The following DAB2IP variants were observed in gnomAD, a reference collection of about 807,000 sequenced individuals.
The protein encoded by DAB2IP is disabled homolog 2-interacting protein.
DAB2IP carries 28 observed loss-of-function variants against 107.2 expected under a neutral mutation model. That is an observed-to-expected ratio of 0.26 (90% CI 0.19 to 0.36). DAB2IP has a LOEUF of 0.36. DAB2IP is among the 10% of genes least tolerant of loss of function. The probability of loss-of-function intolerance (pLI) is 1.00; values close to 1 mark genes in which losing one functional copy is unlikely to be tolerated. For missense variants in DAB2IP, 1,400 were observed against 1,644.7 expected, an observed-to-expected ratio of 0.85 and a Z score of 2.57; for synonymous variants, 755 against 706.4, an observed-to-expected ratio of 1.07 and a Z score of -1.09.
At chr9:121,666,016 C>G (rs1211758485) in intron 1 of DAB2IP, among the ~76,000 whole-genome samples, 1 of 152,212 alleles carries the variant, frequency 6.6e-6, no homozygotes, top group Non-Finnish European at 1.5e-5. Flanking sequence ...TCTTACAGTT[C>G]TGGGGGACAG....
intron 6 of DAB2IP, among the ~76,000 whole-genome samples, chr9:121,761,256 A>G (rs1833868203): frequency 6.6e-6 from 1 of 152,228 alleles, no homozygotes; most frequent in Admixed American, 6.5e-5. Flanking sequence ...GCCACCTGCC[A>G]TTCAGGAAGC....
At chr9:121,615,635 T>C (rs1230108833) in intron 1 of DAB2IP, among the ~76,000 whole-genome samples, 3 of 151,014 alleles carry the variant, frequency 2.0e-5, no homozygotes, top group African/African-American at 7.3e-5. Flanking sequence ...TTCTTTCTTT[T>C]TTTTTTTTTT....
chr9:121,650,011 TTTTGTTTG>T (rs1051848703), upstream of DAB2IP, among the ~76,000 whole-genome samples: 1 of 152,208 alleles, frequency 6.6e-6, no homozygotes, highest in East Asian at 1.9e-4. Flanking sequence ...TGTGTGGTTT[TTTTGTTTG>T]TTTGTTTGTT....
At chr9:121,742,997 C>T (rs867059410) in intron 3 of DAB2IP, 3 of 985,246 alleles carry the variant, frequency 3.0e-6, no homozygotes, top group African/African-American at 1.7e-5. Flanking sequence ...CAGTTGGGGC[C>T]TGTGGTCCAG....
intron 3 of DAB2IP, among the ~76,000 whole-genome samples, chr9:121,712,255 A>G (rs1035284834): frequency 6.6e-6 from 1 of 152,178 alleles, no homozygotes; most frequent in Non-Finnish European, 1.5e-5. Context: ...GGATCCACAC[A>G]TGGGTTTTCT....
intron 3 of DAB2IP, among the ~76,000 whole-genome samples, chr9:121,750,804 G>A (rs1564199073): frequency 6.6e-6 from 1 of 152,214 alleles, no homozygotes; most frequent in Non-Finnish European, 1.5e-5. Context: ...GAGAAAAAAG[G>A]ATCAGAGTTG....
At chr9:121,680,031 C>G (rs1828501692) in intron 2 of DAB2IP, among the ~76,000 whole-genome samples, 1 of 152,254 alleles carries the variant, frequency 6.6e-6, no homozygotes, top group African/African-American at 2.4e-5. Context: ...TCCGCCATCA[C>G]AGCAGCCTGC....
intron 1 of DAB2IP, among the ~76,000 whole-genome samples, chr9:121,642,735 C>T (rs34767300): frequency 0.077 from 11,732 of 152,040 alleles, 627 homozygotes; most frequent in Non-Finnish European, 0.12. Flanking sequence ...GAACTGGACT[C>T]ACAAGGTTCC....
chr9:121,724,714 G>T (rs1831134347), intron 3 of DAB2IP, among the ~76,000 whole-genome samples: 1 of 152,196 alleles, frequency 6.6e-6, no homozygotes, highest in South Asian at 2.1e-4. Context: ...TAGACTCAAA[G>T]AAGAGGTGGA....
At chr9:121,755,443 C>T (rs1833412903) in intron 3 of DAB2IP, among the ~76,000 whole-genome samples, 1 of 152,236 alleles carries the variant, frequency 6.6e-6, no homozygotes, top group Admixed American at 6.5e-5. Flanking sequence ...TTTCCTCTGG[C>T]TCTGCCCATT....
At chr9:121,784,560 C>T (rs892954500) in exon 16 of DAB2IP, 6 of 153,664 alleles carry the variant, frequency 3.9e-5, no homozygotes, top group African/African-American at 1.4e-4. Context: ...AGTGTACAGA[C>T]TCTTCACAGA....
intron 1 of DAB2IP, among the ~76,000 whole-genome samples, chr9:121,659,946 G>C (rs1833133503): frequency 6.6e-6 from 1 of 152,134 alleles, no homozygotes; most frequent in African/African-American, 2.4e-5. Flanking sequence ...GAGCCACCTA[G>C]TATGTGTGAC....
Position 121,730,557 on chromosome 9 carries a change from C to T in DAB2IP, c.363-26456C>T, listed in dbSNP as rs544019753. On this transcript the variant is annotated intron_variant, in intron 3 of 15. Transcript: ENST00000408936. The stretch of plus-strand genomic sequence containing the variant: ...CCTGGGCCAGTGTGGGTCCAGGCTC[C>T]GTAACTGTGTGGTCAGCACCTCCAG... 9.2e-5 allele frequency among the ~76,000 whole-genome samples: 14 copies of T among 152,300 alleles called. No individual in the cohort carries two copies. In the East Asian group the frequency reaches 1.5e-3, roughly 17 times the overall value.
chr9:121,637,763 C>G (rs552524605), intron 1 of DAB2IP, among the ~76,000 whole-genome samples: 1 of 152,050 alleles, frequency 6.6e-6, no homozygotes, highest in African/African-American at 2.4e-5. Context: ...GCAGAGAGGC[C>G]GAGCGCTGCA....
At chr9:121,742,779 C>T in intron 3 of DAB2IP, 1 of 985,614 alleles carries the variant, frequency 1.0e-6, no homozygotes, top group Non-Finnish European at 1.2e-6. Flanking sequence ...TTTCACCTTC[C>T]CCTAGTGTTC....
At chr9:121,640,158 T>C (rs570954677) in intron 1 of DAB2IP, among the ~76,000 whole-genome samples, 1 of 152,116 alleles carries the variant, frequency 6.6e-6, no homozygotes, top group South Asian at 2.1e-4. Context: ...GAGTCCTGGG[T>C]GATGCCTGGG....
chr9:121,582,270 G>T (rs968277651), intron 1 of DAB2IP, among the ~76,000 whole-genome samples: 3 of 152,188 alleles, frequency 2.0e-5, no homozygotes, highest in African/African-American at 7.2e-5. Flanking sequence ...TGGTCCTGGG[G>T]GTGAAGAGGT....
chr9:121,735,474 A>G (rs1443825852), intron 3 of DAB2IP, among the ~76,000 whole-genome samples: 2 of 152,206 alleles, frequency 1.3e-5, no homozygotes, highest in Non-Finnish European at 2.9e-5. Flanking sequence ...GTTGTTTGCT[A>G]AAACAGTGGC....
rs1199682215 is a variant in DAB2IP, at chr9:121,699,200, C to G, written c.229-125C>G. On this transcript the variant is annotated intron_variant, in intron 2 of 15. Transcript: ENST00000408936. The surrounding 1 kb of genome is among the most constrained non-coding windows in gnomAD (Gnocchi z 6.2). ...CGGGCCGCGAGCTGCTGGGGCCGAG[C>G]CCGAGCCCGGCCCGCCCTCGGCCGC... 22 of 972,564 alleles carry G rather than the reference C, an allele frequency of 2.3e-5. No homozygotes were observed. The highest frequency in any genetic ancestry group is 2.6e-5 in the Non-Finnish European group (21 of 821,188). The allele number at this position is 972,564 out of a possible 1,614,324, so 60.2% of individuals were successfully genotyped here. A position where few individuals can be genotyped will look rare whatever the true frequency, so the allele number is the denominator to read the frequency against.
Sources: gnomAD v4.1 joint callset for allele counts (sites outside exome capture counted in the v4.1 genomes callset) on GRCh38, gnomAD v4.1.1 for gene constraint, Gnocchi (gnomAD v3.1) non-coding constraint, MANE v1.5 for transcripts, NCBI Gene and HGNC (gene_info 2026-07-23, HGNC 2026-07-21) for gene names.